GRM3: variants seen among roughly 807,000 people sequenced by gnomAD.
GRM3 encodes glutamate metabotropic receptor 3, also known as metabotropic glutamate receptor 3.
GRM3 carries 26 observed loss-of-function variants against 70.5 expected under a neutral mutation model. The ratio of observed to expected loss-of-function variants is 0.37; its 90% CI spans 0.27 to 0.51. The LOEUF is 0.51. Ranked by LOEUF, GRM3 falls within the 20% of genes least tolerant of loss-of-function variation. GRM3 has a pLI of 0.93. For synonymous variants in GRM3, 443 were observed against 434.9 expected (o/e 1.02, Z -0.23); for missense variants, 859 against 1,123.8 (o/e 0.76, Z 3.37).
intron 3 of GRM3, among the ~76,000 whole-genome samples, chr7:86,814,928 TA>T (rs1215237551): frequency 6.6e-6 from 1 of 151,730 alleles, no homozygotes; most frequent in African/African-American, 2.4e-5. Context: ...CAGAATTCTT[TA>T]AAAAGAAGGC....
At chr7:86,668,945 A>G (rs1035088690) in intron 1 of GRM3, among the ~76,000 whole-genome samples, 1 of 152,156 alleles carries the variant, frequency 6.6e-6, no homozygotes, top group African/African-American at 2.4e-5. Context: ...TTGCTTTCTC[A>G]TAACTGTGGG....
At chr7:86,671,061 C>T (rs1794159182) in intron 1 of GRM3, among the ~76,000 whole-genome samples, 1 of 152,130 alleles carries the variant, frequency 6.6e-6, no homozygotes, top group South Asian at 2.1e-4. Flanking sequence ...GAGACAGTCT[C>T]ATTCTGTCTC....
At chr7:86,760,958 A>C (rs894757559) in intron 1 of GRM3, among the ~76,000 whole-genome samples, 2 of 152,168 alleles carry the variant, frequency 1.3e-5, no homozygotes, top group Admixed American at 1.3e-4. Context: ...TAGTATGAAT[A>C]AATCAGTTTT....
intron 1 of GRM3, among the ~76,000 whole-genome samples, chr7:86,653,336 T>A (rs1214461084): frequency 6.6e-6 from 1 of 152,198 alleles, no homozygotes; most frequent in Non-Finnish European, 1.5e-5. Context: ...AACACAAATA[T>A]TCGGTCCATA....
intron 1 of GRM3, among the ~76,000 whole-genome samples, chr7:86,661,199 C>T (rs1793884250): frequency 6.6e-6 from 1 of 151,986 alleles, no homozygotes; most frequent in Admixed American, 6.6e-5. Flanking sequence ...TCTTTCTATT[C>T]TCTTAGTAAC....
chr7:86,764,620 T>C (rs1027040505), intron 1 of GRM3, among the ~76,000 whole-genome samples: 6 of 151,984 alleles, frequency 3.9e-5, no homozygotes, highest in Non-Finnish European at 7.4e-5. Flanking sequence ...AGAGAAGGGA[T>C]ATAAACTCAC....
chr7:86,668,049 C>T (rs371041938), intron 1 of GRM3, among the ~76,000 whole-genome samples: 2 of 152,130 alleles, frequency 1.3e-5, no homozygotes, highest in East Asian at 3.9e-4. Context: ...TGGTGGGAAA[C>T]TTTTGTCCAG....
At chr7:86,759,371 G>T (rs1455916966) in intron 1 of GRM3, among the ~76,000 whole-genome samples, 1 of 152,072 alleles carries the variant, frequency 6.6e-6, no homozygotes, top group Non-Finnish European at 1.5e-5. Flanking sequence ...GTTGAATTTT[G>T]CCCTACTATA....
intron 3 of GRM3, among the ~76,000 whole-genome samples, chr7:86,792,675 A>C (rs1300531460): frequency 3.3e-5 from 5 of 152,232 alleles, no homozygotes; most frequent in Admixed American, 2.6e-4. Flanking sequence ...AACAAGGCAG[A>C]TGCAGTCCCT....
intron 1 of GRM3, among the ~76,000 whole-genome samples, chr7:86,696,883 T>C (rs1293565656): frequency 1.3e-5 from 2 of 152,174 alleles, no homozygotes; most frequent in Non-Finnish European, 2.9e-5. Context: ...CCCAAAACTA[T>C]CTGTTGCCCA....
At chr7:86,794,685 AG>A (rs1406914544) in intron 3 of GRM3, among the ~76,000 whole-genome samples, 1 of 152,178 alleles carries the variant, frequency 6.6e-6, no homozygotes, top group Non-Finnish European at 1.5e-5. Context: ...AGGCAAGGTT[AG>A]CTAGTCAGTC....
intron 1 of GRM3, among the ~76,000 whole-genome samples, chr7:86,655,309 A>G (rs1793708239): frequency 6.6e-6 from 1 of 152,198 alleles, no homozygotes; most frequent in Non-Finnish European, 1.5e-5. Context: ...TATCTGTTTT[A>G]CCAAAGAAAT....
At chr7:86,772,111 G>A (rs538894062) in intron 2 of GRM3, among the ~76,000 whole-genome samples, 17 of 152,050 alleles carry the variant, frequency 1.1e-4, no homozygotes, top group Non-Finnish European at 2.4e-4. Flanking sequence ...AGCCACTTGA[G>A]TTTAAGAACC....
intron 1 of GRM3, among the ~76,000 whole-genome samples, chr7:86,674,566 C>A (rs1040497156): frequency 6.6e-6 from 1 of 152,128 alleles, no homozygotes; most frequent in African/African-American, 2.4e-5. Flanking sequence ...CTATCCTTTA[C>A]AACTTTCAGA....
At chr7:86,793,016 CT>C (rs140134217) in intron 3 of GRM3, among the ~76,000 whole-genome samples, 10,050 of 94,442 alleles carry the variant, frequency 0.11, 282 homozygotes, top group African/African-American at 0.2. Flanking sequence ...GGTTGGTTGC[CT>C]TTTTTTTTTT....
intron 1 of GRM3, among the ~76,000 whole-genome samples, chr7:86,750,560 G>C (rs552079444): frequency 4.3e-4 from 65 of 152,170 alleles, no homozygotes; most frequent in African/African-American, 1.6e-3. Context: ...GAGAAAAGAA[G>C]TGAATGGATA....
chr7:86,830,658 A>T (rs989816502), intron 3 of GRM3, among the ~76,000 whole-genome samples: 1 of 152,252 alleles, frequency 6.6e-6, no homozygotes, highest in Admixed American at 6.5e-5. Context: ...AAGATGTTAG[A>T]TACAAAATAA....
At chr7:86,856,602 TA>T (rs1212383978) in intron 5 of GRM3, among the ~76,000 whole-genome samples, 1 of 151,874 alleles carries the variant, frequency 6.6e-6, no homozygotes, top group Non-Finnish European at 1.5e-5. Context: ...AAATAAAAGT[TA>T]AAAAAAAGAA....
At chr7:86,774,159 A>G (rs6465084) in intron 2 of GRM3, among the ~76,000 whole-genome samples, 38,664 of 152,014 alleles carry the variant, frequency 0.25, 4,986 homozygotes, top group Middle Eastern at 0.31. Context: ...ACCATTAAAT[A>G]TGTGCCTTTT....
Sources: gnomAD v4.1 joint callset for allele counts (sites outside exome capture counted in the v4.1 genomes callset) on GRCh38, gnomAD v4.1.1 for gene constraint, MANE v1.5 for transcripts, NCBI Gene and HGNC (gene_info 2026-07-23, HGNC 2026-07-21) for gene names.